KIF21B: variants seen among roughly 807,000 people sequenced by gnomAD.
KIF21B encodes kinesin family member 21B.
Under a neutral mutation model 192.9 loss-of-function variants are expected in KIF21B, and 85 were observed. The observed-to-expected ratio is 0.44, with a 90% CI of 0.37 to 0.53. KIF21B has a LOEUF of 0.53. Ranked by LOEUF, KIF21B falls within the 20% of genes least tolerant of loss-of-function variation. The pLI, the probability that KIF21B is intolerant of heterozygous loss-of-function variation, is 0.00. For missense variants in KIF21B, 1,716 were observed against 2,194.8 expected, an observed-to-expected ratio of 0.78 and a Z score of 4.36; for synonymous variants, 832 against 884.6, an observed-to-expected ratio of 0.94 and a Z score of 1.05.
chr1:201,009,220 G>C (rs760441912), intron 2 of KIF21B, 46 bp downstream of exon 2: 139 of 1,551,348 alleles, frequency 9.0e-5, no homozygotes, highest in Non-Finnish European at 1.1e-4. Context: ...TGGATGCAGG[G>C]AGACCAAGGC....
intron 30 of KIF21B, among the ~76,000 whole-genome samples, chr1:200,978,448 T>C (rs992645758): frequency 1.3e-5 from 2 of 152,080 alleles, no homozygotes; most frequent in South Asian, 4.2e-4. Context: ...CACATGCCCC[T>C]GCTCCCACAC....
intron 34 of KIF21B, chr1:200,973,955 G>C (rs1474748260): frequency 6.5e-7 from 1 of 1,538,874 alleles, no homozygotes; most frequent in Non-Finnish European, 8.7e-7. Context: ...CTCTAGGCCA[G>C]GCAGGACAGG....
chr1:200,977,219 G>A lies in KIF21B; in HGVS notation c.4318C>T (p.Leu1440Phe), dbSNP rs1655617132. 3 of 1,611,502 alleles carry A rather than the reference G, an allele frequency of 1.9e-6. No homozygotes were observed. The highest frequency in any genetic ancestry group is 2.5e-6 in the Non-Finnish European group (3 of 1,177,910). The stretch of plus-strand genomic sequence containing the variant: ...CCCAGGTATCACGCTGACCTGCTAA[G>A]CTCCCAGATGCGGACGGCATTGCCC... ...ASGNAVRIWE[L>F]SRFQPVGKLT... is the part of the protein sequence containing the mutation. The change falls in exon 31 of 35, where the codon CTT becomes TTT. Residue 1440 changes from leucine to phenylalanine, a missense_variant. Around this residue, in one of 3 missense-constraint regions of KIF21B, gnomAD observed 580 missense variants for 775.5 expected, o/e 0.75. Transcript: ENST00000461742.
At position 201,008,784 on chromosome 1, in the gene KIF21B, G is replaced by A. The variant is rs749794897; in HGVS notation, c.432C>T (p.Ser144=). Residue 144 remains serine (S), a synonymous_variant, in exon 3 of 35, where the codon AGC becomes AGT. Coordinates refer to ENST00000461742, the MANE Select transcript of KIF21B (RefSeq NM_001252102.2). ...GCCACAGTACCTCCAGAAACTGGGC[G>A]CTGACTTTGAACTCAGGTCCAGCCA... ...QGVAGPEFKV[S]AQFLELYNEE... 16 of 1,600,134 alleles carry A rather than the reference G, an allele frequency of 1.0e-5. No homozygotes were observed. In the South Asian group the frequency reaches 1.1e-4, roughly 11 times the overall value.
chr1:200,991,683 T>A lies in KIF21B; in HGVS notation c.2428A>T (p.Met810Leu), dbSNP rs1656708420. Residue 810 changes from methionine (M) to leucine (L), a missense_variant, in exon 17 of 35, where the codon ATG becomes TTG. Around this residue, in one of 3 missense-constraint regions of KIF21B, gnomAD observed 1,087 missense variants for 1,316.6 expected, o/e 0.83. Coordinates refer to ENST00000461742, the MANE Select transcript of KIF21B (RefSeq NM_001252102.2). ...ALESQKRQQEMVLRRKTQEVS... is the reference protein window; with the variant it reads ...ALESQKRQQELVLRRKTQEVS... ...TCCTGGGTCTTCCTCCTCAGGACCA[T>A]CTCCTGCTGCCGCTTCTGGGACTCC... 3 of 1,613,966 alleles carry A rather than the reference T, an allele frequency of 1.9e-6. No individual in the cohort carries two copies. In the Admixed American group the frequency reaches 5.0e-5, roughly 27 times the overall value.
rs1001825196 is a variant in KIF21B at position 200,982,375 on chromosome 1, C to G, written c.3842+681G>C. On this transcript the variant is annotated intron_variant, in intron 28 of 34. Transcript: ENST00000461742. This position sits in a 1 kb window ranked among gnomAD's most constrained non-coding sequence, Gnocchi z 4.7. ...CAGCCCACCAGGAGAGCCGAGGAAG[C>G]TCTCAGCCCACGAGGGGCCCTTGGC... 6.6e-6 allele frequency among the ~76,000 whole-genome samples: 1 copy of G among 152,226 alleles called. No homozygotes were observed. Among genetic ancestry groups the G allele is most frequent in the African/African-American group, 2.4e-5 (1 of 41,456 alleles).
chr1:200,999,965 C>T lies in KIF21B; in HGVS notation c.1686-1G>A. On this transcript the variant is annotated splice_acceptor_variant, in intron 11 of 34. Coordinates refer to ENST00000461742, the MANE Select transcript of KIF21B (RefSeq NM_001252102.2). LOFTEE classifies it high-confidence loss of function. This position sits in a 1 kb window ranked among gnomAD's most constrained non-coding sequence, Gnocchi z 4.7. ...CTTTTTGAAGGCTTCCTTCTCGGGGCTGCTCAGGGAGGACAGGGAAGCTGG... is the reference window on the plus strand; with the variant it reads ...CTTTTTGAAGGCTTCCTTCTCGGGGTTGCTCAGGGAGGACAGGGAAGCTGG... 6.2e-7 allele frequency: 1 copy of T among 1,613,776 alleles called. No homozygotes were observed. The highest frequency in any genetic ancestry group is 8.5e-7 in the Non-Finnish European group (1 of 1,179,994).
intron 8 of KIF21B, chr1:201,003,315 G>C: frequency 1.9e-6 from 1 of 524,192 alleles, no homozygotes; most frequent in South Asian, 2.0e-5. Flanking sequence ...CAAGATCTAT[G>C]CAACAAAAGC....
Position 201,004,882 on chromosome 1 carries a change from A to G in KIF21B, c.784T>C (p.Tyr262His), listed in dbSNP as rs750824129. The change falls in exon 6 of 35, where the codon TAT becomes CAT. Residue 262 changes from tyrosine (Y) to histidine (H), a missense_variant. Tyr to His is a moderately conservative substitution (Grantham distance 83, BLOSUM62 2). This residue lies in a region of KIF21B where 1,087 missense variants were observed against 1,316.6 expected (regional missense o/e 0.83). Transcript: ENST00000461742. ...TGAAACTTAGCAGTGAGTGTCTCAT[A>G]CTCACTCGAGGGAGGTGTACCATCA... is the stretch of plus-strand genomic sequence containing the variant. ...LPDGTPPSSE[Y>H]ETLTAKFHFV... 3.1e-6 allele frequency: 5 copies of G among 1,613,828 alleles called. No homozygotes were observed. Among genetic ancestry groups the G allele is most frequent in the Non-Finnish European group, 4.2e-6 (5 of 1,179,846 alleles).
At position 201,004,801 on chromosome 1, in the gene KIF21B, G is replaced by A. The variant is rs1459259252; in HGVS notation, c.865C>T (p.Arg289Trp). The change falls in exon 6 of 35, where the codon CGG (arginine) becomes TGG (tryptophan). Residue 289 changes from arginine to tryptophan, a missense_variant. Physicochemically the swap from Arg to Trp is moderately radical, Grantham distance 101. Around this residue, in one of 3 missense-constraint regions of KIF21B, gnomAD observed 1,087 missense variants for 1,316.6 expected, o/e 0.83. Transcript: ENST00000461742. ...TTGATGGAGATGCCCTCCTTGGCCC[G>A]CTCGCCAGTAGCCCCTGTCCGCTTC... ...RLKRTGATGE[R>W]AKEGISINCG... 2.5e-6 allele frequency: 4 copies of A among 1,613,916 alleles called. No individual in the cohort carries two copies. The highest frequency in any genetic ancestry group is 1.3e-5 in the African/African-American group (1 of 74,908).
rs1035888551 is a variant in KIF21B, at chr1:200,977,004, C to A, written c.4326-111G>T. 64 of 980,892 alleles carry A rather than the reference C, an allele frequency of 6.5e-5. No individual in the cohort carries two copies. In the South Asian group the frequency reaches 1.0e-3, roughly 16 times the overall value. 60.8% of individuals were successfully genotyped at this position (980,892 alleles called of 1,614,324 possible). A position where few individuals can be genotyped will look rare whatever the true frequency, so the allele number is the denominator to read the frequency against. On this transcript the variant is annotated intron_variant, in intron 31 of 34. Coordinates refer to ENST00000461742, the MANE Select transcript of KIF21B (RefSeq NM_001252102.2). ...GCCTGGTCAGGGTACTCACCCTCCC[C>A]TCTCGCTCAAGGCAAGATCAAGAAT...
intron 1 of KIF21B, among the ~76,000 whole-genome samples, chr1:201,019,625 G>T (rs1047607184): frequency 2.0e-5 from 3 of 151,494 alleles, no homozygotes; most frequent in Admixed American, 2.0e-4. Flanking sequence ...GGTGGTGGAG[G>T]GGGAGGTTTC....
Position 200,990,384 on chromosome 1 carries a change from G to A in KIF21B, c.2836-52C>T. ...TGTGATGAAGGAGAGGCCTCAGGTA[G>A]CTGCCAAGCCCTGCCCATAGCTTCC... On this transcript the variant is annotated intron_variant, in intron 19 of 34. Transcript: ENST00000461742. This position sits in a 1 kb window ranked among gnomAD's most constrained non-coding sequence, Gnocchi z 5.4. 6.5e-7 allele frequency: 1 copy of A among 1,537,238 alleles called. No individual in the cohort carries two copies. Among genetic ancestry groups the A allele is most frequent in the Non-Finnish European group, 8.8e-7 (1 of 1,137,504 alleles).
In KIF21B at chr1:200,983,079, G is replaced by A; in HGVS notation, c.3819C>T (p.Asp1273=). The A allele has an allele frequency of 6.5e-7, 1 of 1,536,182 alleles. No individual in the cohort carries two copies. Among genetic ancestry groups the A allele is most frequent in the Non-Finnish European group, 8.7e-7 (1 of 1,146,904 alleles). ...ACCTCAGGACCTCCGACAAAGAGGA[G>A]TCGCTGTCATCAGACCTGGGGAGGG... is the stretch of plus-strand genomic sequence containing the variant. ...GSALDKSDDS[D]SSLSEVLRGI... The change falls in exon 28 of 35, where the codon GAC becomes GAT. Residue 1273 remains aspartate, a synonymous_variant. Coordinates refer to ENST00000461742, the MANE Select transcript of KIF21B (RefSeq NM_001252102.2).
At chr1:201,006,261 G>A (rs1193064523) in intron 3 of KIF21B, among the ~76,000 whole-genome samples, 1 of 152,248 alleles carries the variant, frequency 6.6e-6, no homozygotes, top group African/African-American at 2.4e-5. Context: ...AGAGGGCCTG[G>A]TGAGACCATC....
Position 201,017,850 on chromosome 1 carries a change from C to T in KIF21B, c.41+5493G>A, listed in dbSNP as rs1658592570. On this transcript the variant is annotated intron_variant, in intron 1 of 34. Transcript: ENST00000461742. The surrounding 1 kb of genome is among the most constrained non-coding windows in gnomAD (Gnocchi z 4.1). ...ATTTGGGGATGGGATGGCAGCATGA[C>T]CTCCTTTCCACACCCCAGAGCAGCT... is the stretch of plus-strand genomic sequence containing the variant. Among the ~76,000 whole-genome samples, 1 of 152,230 alleles carries T rather than the reference C, an allele frequency of 6.6e-6. No individual in the cohort carries two copies. Among genetic ancestry groups the T allele is most frequent in the Admixed American group, 6.5e-5 (1 of 15,290 alleles).
At chr1:201,003,333 C>T in intron 8 of KIF21B, 1 of 555,410 alleles carries the variant, frequency 1.8e-6, no homozygotes, top group South Asian at 2.0e-5. Flanking sequence ...AGCTGGGGAG[C>T]CCTTCTTTCT....
intron 1 of KIF21B, among the ~76,000 whole-genome samples, chr1:201,011,960 G>A (rs954024756): frequency 1.3e-5 from 2 of 152,226 alleles, no homozygotes; most frequent in South Asian, 4.1e-4. Flanking sequence ...TCAATGAGAG[G>A]GGCAGCTTCT....
rs778941202 is a variant in KIF21B at position 201,002,177 on chromosome 1, C to T, written c.1386G>A (p.Leu462=). ...VTQLMSQEAN[L]LLAKAGDGNE... Reference sequence around the variant, plus strand: ...CCAACTCACCGGCCTTGGCTAGCAGCAGGTTGGCCTCCTGGCTCATGAGCT... The same window carrying T: ...CCAACTCACCGGCCTTGGCTAGCAGTAGGTTGGCCTCCTGGCTCATGAGCT... The change falls in exon 9 of 35, where the codon CTG becomes CTA. Residue 462 remains leucine (L), a synonymous_variant. Transcript: ENST00000461742. 3.7e-6 allele frequency: 6 copies of T among 1,613,966 alleles called. No individual in the cohort carries two copies. Among genetic ancestry groups the T allele is most frequent in the African/African-American group, 1.3e-5 (1 of 74,936 alleles).
Sources: gnomAD v4.1 joint callset for allele counts (sites outside exome capture counted in the v4.1 genomes callset) on GRCh38, gnomAD v4.1.1 for gene constraint, gnomAD v4.1.1 regional missense constraint, Gnocchi (gnomAD v3.1) non-coding constraint, MANE v1.5 for transcripts, NCBI Gene and HGNC (gene_info 2026-07-23, HGNC 2026-07-21) for gene names.